POC1B: variants seen among roughly 807,000 people sequenced by gnomAD.
The protein encoded by POC1B is POC1 centriolar protein B, also known as POC1 centriolar protein homolog B.
POC1B carries 44 observed loss-of-function variants against 60.6 expected under a neutral mutation model. That is an observed-to-expected ratio of 0.73 (90% CI 0.57 to 0.93). The LOEUF is 0.93. POC1B is among the 40% of genes least tolerant of loss of function. The pLI is 0.00. For missense variants in POC1B, 555 were observed against 572.3 expected (o/e 0.97, Z 0.31); for synonymous variants, 180 against 198.9 (o/e 0.90, Z 0.80).
rs551637971 is a variant in POC1B at position 89,447,552 on chromosome 12, T to G, written c.1113+12086A>C. ...TCCAAAGCATACAATTGTTTTTGCT[T>G]CAGCTTAATGATGCATTTCCAGTTC... On this transcript the variant is annotated intron_variant, in intron 10 of 11. Transcript: ENST00000313546. Among the ~76,000 whole-genome samples, 32 of 152,256 alleles carry G rather than the reference T, an allele frequency of 2.1e-4. 1 individual carries two copies. The highest frequency in any genetic ancestry group is 3.3e-4 in the Admixed American group (5 of 15,296).
Position 89,459,635 on chromosome 12 carries a change from T to C in POC1B, c.1113+3A>G. On this transcript the variant is annotated splice_donor_region_variant and intron_variant, in intron 10 of 11. Transcript: ENST00000313546. Reference sequence around the variant, plus strand: ...CAAAAAAAAAAAAAAAAACCCGACTTACTGTGGTAGAATCAAAAGAAAGGA... The same window carrying C: ...CAAAAAAAAAAAAAAAAACCCGACTCACTGTGGTAGAATCAAAAGAAAGGA... 7.4e-7 allele frequency: 1 copy of C among 1,353,528 alleles called. No individual in the cohort carries two copies. The highest frequency in any genetic ancestry group is 1.0e-6 in the Non-Finnish European group (1 of 1,000,828). The allele number at this position is 1,353,528 out of a possible 1,614,324, so 83.8% of individuals were successfully genotyped here.
At chr12:89,472,598 G>A (rs1018297721) in intron 4 of POC1B, 4 of 185,838 alleles carry the variant, frequency 2.2e-5, no homozygotes, top group African/African-American at 9.5e-5. Flanking sequence ...CAAGTGCCTT[G>A]TATTTTTAAA....
rs977350515 is a variant in POC1B, at chr12:89,459,550, C to A, written c.1113+88G>T. The stretch of plus-strand genomic sequence containing the variant: ...CTACATAGGCCACGTTTTATCTCCT[C>A]CCCCAACATTTTTTAAAGGAAAATG... On this transcript the variant is annotated intron_variant, in intron 10 of 11. Coordinates refer to ENST00000313546, the MANE Select transcript of POC1B (RefSeq NM_172240.3). 5.6e-6 allele frequency: 4 copies of A among 716,936 alleles called. No homozygotes were observed. The Admixed American group carries it at 1.4e-4, about 26-fold the overall frequency. 44.4% of individuals were successfully genotyped at this position (716,936 alleles called of 1,614,324 possible). A position where few individuals can be genotyped will look rare whatever the true frequency, so the allele number is the denominator to read the frequency against.
downstream of POC1B, among the ~76,000 whole-genome samples, chr12:89,415,159 G>A (rs1880342753): frequency 6.6e-6 from 1 of 152,234 alleles, no homozygotes; most frequent in South Asian, 2.1e-4. Flanking sequence ...GGTTTTCTAT[G>A]TATGAAAGGC....
rs891890145 is a variant in POC1B, at chr12:89,522,907, A to G, written c.100+2213T>C. 11 of 1,613,948 alleles carry G rather than the reference A, an allele frequency of 6.8e-6. No homozygotes were observed. Among genetic ancestry groups the G allele is most frequent in the Middle Eastern group, 3.3e-4 (2 of 6,084 alleles). On this transcript the variant is annotated intron_variant, in intron 2 of 11. Transcript: ENST00000313546. The stretch of plus-strand genomic sequence containing the variant: ...GCCCTCCGGTGTCCGATAAGCACTA[A>G]GACACAGTCCTGAGTGTGGGTGAAA...
At chr12:89,416,107 T>C (rs889677958), downstream of POC1B, among the ~76,000 whole-genome samples, 2 of 152,234 alleles carry the variant, frequency 1.3e-5, no homozygotes, top group African/African-American at 2.4e-5. Context: ...GCTCCTCCTA[T>C]GAGCCAGACA....
chr12:89,522,143 C>G, intron 2 of POC1B: 1 of 398,884 alleles, frequency 2.5e-6, no homozygotes, highest in Non-Finnish European at 4.4e-6. Context: ...TCCAATAGCT[C>G]AAGTTTACAA....
At chr12:89,523,762 G>A (rs1679837381) in intron 2 of POC1B, 1 of 1,540,636 alleles carries the variant, frequency 6.5e-7, no homozygotes, top group South Asian at 1.3e-5. Flanking sequence ...GAATTCAAAA[G>A]TATTCCAATC....
chr12:89,525,862 A>C lies in POC1B; in HGVS notation c.15+19T>G, dbSNP rs1419102665. The C allele has an allele frequency of 7.1e-7, 1 of 1,417,678 alleles. No homozygotes were observed. The highest frequency in any genetic ancestry group is 9.3e-7 in the Non-Finnish European group (1 of 1,080,116). The allele number at this position is 1,417,678 out of a possible 1,614,324, so 87.8% of individuals were successfully genotyped here. On this transcript the variant is annotated intron_variant, in intron 1 of 11. Transcript: ENST00000313546. Reference sequence around the variant, plus strand: ...CAGGCTCCAGGGAGGGACCCCCCCCACCTCCAACCCGTCCTTACCGTGGCT... The same window carrying C: ...CAGGCTCCAGGGAGGGACCCCCCCCCCCTCCAACCCGTCCTTACCGTGGCT...
intron 10 of POC1B, chr12:89,427,100 T>C (rs1170649534): frequency 1.3e-5 from 2 of 152,124 alleles, no homozygotes; most frequent in Non-Finnish European, 2.9e-5. Context: ...AAAATAATAT[T>C]GATGAAAAAA....
chr12:89,468,883 A>G (rs1882783022), intron 7 of POC1B, among the ~76,000 whole-genome samples: 1 of 71,360 alleles, frequency 1.4e-5, no homozygotes, highest in Non-Finnish European at 3.0e-5. Context: ...AAAAGGAAGT[A>G]CCTCAAAAAA....
intron 7 of POC1B, among the ~76,000 whole-genome samples, chr12:89,468,010 G>T (rs990013281): frequency 7.2e-5 from 11 of 152,192 alleles, no homozygotes; most frequent in Non-Finnish European, 1.5e-4. Context: ...TTTGGACTCT[G>T]TATTCAACCA....
intron 2 of POC1B, chr12:89,523,679 TG>T: frequency 6.5e-7 from 1 of 1,539,590 alleles, no homozygotes; most frequent in Non-Finnish European, 8.7e-7. Flanking sequence ...CTTTCCTGTT[TG>T]GGGACAGAAT....
chr12:89,489,327 T>G (rs1223250046), intron 4 of POC1B, among the ~76,000 whole-genome samples: 7 of 152,200 alleles, frequency 4.6e-5, no homozygotes, highest in Non-Finnish European at 1.5e-5. Flanking sequence ...TTAGGTAACT[T>G]CCCCACAGGT....
chr12:89,502,242 T>C (rs1337495666), intron 2 of POC1B: 3 of 1,337,332 alleles, frequency 2.2e-6, no homozygotes, highest in Non-Finnish European at 3.2e-6. Flanking sequence ...GAAGTTCAGA[T>C]GACTCAAAAC....
chr12:89,489,343 AG>A (rs1868823203), intron 4 of POC1B, among the ~76,000 whole-genome samples: 1 of 152,228 alleles, frequency 6.6e-6, no homozygotes, highest in Non-Finnish European at 1.5e-5. Context: ...CAGGTCTCAC[AG>A]CTGATAAGTA....
In POC1B at chr12:89,490,502, G is replaced by A. The variant is rs931463708; in HGVS notation, c.452+1434C>T. ...TGGGACTACAGGCACCTGCCACCAC[G>A]CCTAGCTAATTTTTGTATTTTTAGT... On this transcript the variant is annotated intron_variant, in intron 4 of 11. Coordinates refer to ENST00000313546, the MANE Select transcript of POC1B (RefSeq NM_172240.3). Among the ~76,000 whole-genome samples, 7 of 152,138 alleles carry A rather than the reference G, an allele frequency of 4.6e-5. No individual in the cohort carries two copies. In the South Asian group the frequency reaches 6.2e-4, roughly 14 times the overall value.
chr12:89,405,642 A>G, the POC1B span, among the ~76,000 whole-genome samples: 20 of 152,188 alleles, frequency 1.3e-4, no homozygotes, highest in African/African-American at 4.3e-4. Context: ...CCATAAGGAT[A>G]TTATTTAATG....
At chr12:89,520,271 T>C (rs1284682866) in intron 2 of POC1B, 2 of 152,160 alleles carry the variant, frequency 1.3e-5, no homozygotes, top group Non-Finnish European at 2.9e-5. Context: ...AAAAGCCTCA[T>C]TTCCCTTTTG....
Sources: gnomAD v4.1 joint callset for allele counts (sites outside exome capture counted in the v4.1 genomes callset) on GRCh38, gnomAD v4.1.1 for gene constraint, MANE v1.5 for transcripts, NCBI Gene and HGNC (gene_info 2026-07-23, HGNC 2026-07-21) for gene names.